Variants in NRXN3 observed in about 807,000 individuals in gnomAD.
NRXN3 encodes neurexin 3.
NRXN3 carries 32 observed loss-of-function variants against 137.6 expected under a neutral mutation model. The ratio of observed to expected loss-of-function variants is 0.23; its 90% CI spans 0.18 to 0.31. The LOEUF is 0.31. Ranked by LOEUF, NRXN3 falls within the 10% of genes least tolerant of loss-of-function variation. The probability of loss-of-function intolerance (pLI) is 1.00; values close to 1 mark genes in which losing one functional copy is unlikely to be tolerated. For synonymous variants in NRXN3, 798 were observed against 784.5 expected, an observed-to-expected ratio of 1.02 and a Z score of -0.29; for missense variants, 1,574 against 2,062.5, an observed-to-expected ratio of 0.76 and a Z score of 4.59.
chr14:79,700,745 T>A (rs1269837564), intron 19 of NRXN3, among the ~76,000 whole-genome samples: 1 of 152,040 alleles, frequency 6.6e-6, no homozygotes, highest in Admixed American at 6.6e-5. Context: ...TATAGCCTCT[T>A]AGAAGTAATT....
chr14:78,978,991 T>C (rs1252091130), intron 14 of NRXN3, among the ~76,000 whole-genome samples: 1 of 151,868 alleles, frequency 6.6e-6, no homozygotes, highest in Non-Finnish European at 1.5e-5. Context: ...AAGTGTCCAA[T>C]GTCTGAGGGC....
At chr14:79,079,405 G>T (rs1406433696) in intron 15 of NRXN3, among the ~76,000 whole-genome samples, 1 of 152,098 alleles carries the variant, frequency 6.6e-6, no homozygotes, top group Non-Finnish European at 1.5e-5. Flanking sequence ...TCTCCATGAA[G>T]AAAAAGACAT....
intron 19 of NRXN3, among the ~76,000 whole-genome samples, chr14:79,724,871 A>C (rs2154067055): frequency 6.6e-6 from 1 of 152,244 alleles, no homozygotes; most frequent in South Asian, 2.1e-4. Flanking sequence ...ACCACCATTG[A>C]GTGGCATCAA....
intron 4 of NRXN3, among the ~76,000 whole-genome samples, chr14:78,619,720 C>T (rs2097380664): frequency 2.6e-5 from 4 of 151,976 alleles, no homozygotes; most frequent in Admixed American, 2.6e-4. Context: ...CTTTGCCTTC[C>T]ACCATGATTG....
At chr14:78,520,027 A>G (rs2096264903) in intron 4 of NRXN3, among the ~76,000 whole-genome samples, 1 of 152,190 alleles carries the variant, frequency 6.6e-6, no homozygotes, top group Non-Finnish European at 1.5e-5. Context: ...AATGCCTCTG[A>G]AACAGTTGGG....
At chr14:78,385,793 C>G (rs1598080709) in intron 4 of NRXN3, among the ~76,000 whole-genome samples, 1 of 152,272 alleles carries the variant, frequency 6.6e-6, no homozygotes, top group South Asian at 2.1e-4. Flanking sequence ...AGGTAAGACA[C>G]TCTTTATTCC....
At chr14:78,645,513 G>C (rs2097677670) in intron 5 of NRXN3, 92 bp downstream of exon 5, 4 of 1,106,914 alleles carry the variant, frequency 3.6e-6, no homozygotes, top group Non-Finnish European at 5.0e-6. Context: ...GAGGTGGAGA[G>C]GGGTGGAGAT....
chr14:79,723,210 A>G (rs1258154970), intron 19 of NRXN3, among the ~76,000 whole-genome samples: 2 of 152,130 alleles, frequency 1.3e-5, no homozygotes, highest in East Asian at 1.9e-4. Flanking sequence ...TTCATTTTTT[A>G]CAACTAGAAG....
At chr14:78,738,121 C>G (rs1346036305) in intron 8 of NRXN3, among the ~76,000 whole-genome samples, 1 of 152,198 alleles carries the variant, frequency 6.6e-6, no homozygotes, top group African/African-American at 2.4e-5. Flanking sequence ...ACAACACACT[C>G]CACCAACTAC....
chr14:79,365,516 G>A (rs567299035), intron 15 of NRXN3, among the ~76,000 whole-genome samples: 1 of 151,006 alleles, frequency 6.6e-6, no homozygotes, highest in Non-Finnish European at 1.5e-5. Flanking sequence ...TCAGGAGATC[G>A]AGACCATCCT....
At chr14:78,942,142 A>T (rs868481125) in intron 10 of NRXN3, among the ~76,000 whole-genome samples, 1 of 152,242 alleles carries the variant, frequency 6.6e-6, no homozygotes, top group Middle Eastern at 3.4e-3. Context: ...AAGAAGAGTT[A>T]CCCTAACAGA....
intron 15 of NRXN3, among the ~76,000 whole-genome samples, chr14:79,278,274 C>G (rs753883366): frequency 6.6e-6 from 1 of 152,158 alleles, no homozygotes; most frequent in African/African-American, 2.4e-5. Context: ...CTAGCAAGAC[C>G]TGTGTGGACA....
chr14:79,483,819 A>G (rs1600973217), intron 16 of NRXN3, among the ~76,000 whole-genome samples: 1 of 152,112 alleles, frequency 6.6e-6, no homozygotes, highest in East Asian at 1.9e-4. Context: ...AAACCTAAAC[A>G]GAGCAACACT....
chr14:79,467,255 G>T lies in NRXN3; in HGVS notation c.3297G>T (p.Gly1099=). 2.5e-6 allele frequency: 4 copies of T among 1,610,118 alleles called. No homozygotes were observed. Among genetic ancestry groups the T allele is most frequent in the East Asian group, 2.2e-5 (1 of 44,724 alleles). The change falls in exon 16 of 21, where the codon GGG becomes GGT. Residue 1099 remains glycine (G), a synonymous_variant. Coordinates refer to ENST00000335750, the MANE Select transcript of NRXN3 (RefSeq NM_001330195.2). ...CGTACATCTTTGGGAAAAGTGGTGG[G>T]CTTATCCTCTACACCTGGCCAGCCA... The part of the protein sequence containing the change: ...GATYIFGKSG[G]LILYTWPAND...
chr14:78,737,285 G>A (rs1032110489), intron 8 of NRXN3, among the ~76,000 whole-genome samples: 34 of 152,154 alleles, frequency 2.2e-4, no homozygotes, highest in African/African-American at 7.7e-4. Flanking sequence ...GGATTTGGAA[G>A]CTGAACTGTC....
chr14:79,760,985 G>T (rs1406873031), intron 19 of NRXN3, among the ~76,000 whole-genome samples: 1 of 151,500 alleles, frequency 6.6e-6, no homozygotes, highest in Non-Finnish European at 1.5e-5. Context: ...AATAACAAAT[G>T]AGCTCTATCC....
chr14:78,822,634 C>CG (rs2098954106), intron 10 of NRXN3, among the ~76,000 whole-genome samples: 1 of 151,264 alleles, frequency 6.6e-6, no homozygotes, highest in Admixed American at 6.6e-5. Flanking sequence ...GAGATCGTGC[C>CG]ACTGGACTCC....
At chr14:78,864,834 T>C (rs1347078741) in intron 10 of NRXN3, among the ~76,000 whole-genome samples, 1 of 152,144 alleles carries the variant, frequency 6.6e-6, no homozygotes, top group Non-Finnish European at 1.5e-5. Flanking sequence ...TAGCAAGGCC[T>C]ATTGTTCAGA....
At chr14:78,488,943 C>A (rs546316729) in intron 4 of NRXN3, among the ~76,000 whole-genome samples, 1 of 152,142 alleles carries the variant, frequency 6.6e-6, no homozygotes, top group South Asian at 2.1e-4. Context: ...GTGTAGGTAG[C>A]ACTTACCATG....
Sources: gnomAD v4.1 joint callset for allele counts (sites outside exome capture counted in the v4.1 genomes callset) on GRCh38, gnomAD v4.1.1 for gene constraint, MANE v1.5 for transcripts, NCBI Gene and HGNC (gene_info 2026-07-23, HGNC 2026-07-21) for gene names.